The following THADA variants were observed in gnomAD, a reference collection of about 807,000 sequenced individuals.
THADA encodes the protein THADA armadillo repeat containing, also known as tRNA (32-2'-O)-methyltransferase regulator THADA.
THADA carries 213 observed loss-of-function variants against 219.8 expected under a neutral mutation model. The observed-to-expected ratio is 0.97, with a 90% CI of 0.87 to 1.09. The LOEUF (loss-of-function observed/expected upper bound fraction) is 1.09, where lower values mean the gene tolerates loss of function less well. THADA is among the 50% of genes least tolerant of loss of function. The pLI is 0.00. For synonymous variants in THADA, 1,018 were observed against 828.9 expected (o/e 1.23, Z -3.92); for missense variants, 2,956 against 2,311.3 (o/e 1.28, Z -5.72).
chr2:43,592,544 T>C, intron 1 of THADA, 128 bp from the exon 2 acceptor site: 2 of 525,872 alleles, frequency 3.8e-6, no homozygotes, highest in Non-Finnish European at 6.6e-6. Context: ...TCCCCATCTC[T>C]ACCCACTAGA....
chr2:43,575,130 C>A (rs1699724535), intron 10 of THADA, 103 bp from the exon 11 acceptor site: 16 of 857,406 alleles, frequency 1.9e-5, no homozygotes, highest in South Asian at 1.6e-4. Flanking sequence ...CACAGAATGA[C>A]CACAAATTTC....
intron 26 of THADA, among the ~76,000 whole-genome samples, chr2:43,442,448 A>G (rs1202114994): frequency 1.3e-5 from 2 of 152,300 alleles, no homozygotes; most frequent in South Asian, 2.1e-4. Flanking sequence ...TTGCAAAGAC[A>G]GAAAAAAGAA....
intron 36 of THADA, among the ~76,000 whole-genome samples, chr2:43,240,143 A>G (rs1220594493): frequency 1.3e-5 from 2 of 152,234 alleles, no homozygotes; most frequent in African/African-American, 4.8e-5. Context: ...CAGGCTAAGC[A>G]GGGTGGGTGA....
chr2:43,550,250 G>A (rs564271622), intron 19 of THADA, among the ~76,000 whole-genome samples: 5 of 152,224 alleles, frequency 3.3e-5, no homozygotes, highest in South Asian at 2.1e-4. Context: ...TTAACAAATC[G>A]AAGAACCGGT....
At chr2:43,364,897 A>C (rs1669949126) in intron 29 of THADA, among the ~76,000 whole-genome samples, 1 of 151,424 alleles carries the variant, frequency 6.6e-6, no homozygotes, top group East Asian at 1.9e-4. Flanking sequence ...GATTTAGATT[A>C]TTGTAATTGT....
chr2:43,246,282 G>T (rs1310540074), intron 36 of THADA, among the ~76,000 whole-genome samples: 1 of 152,074 alleles, frequency 6.6e-6, no homozygotes, highest in Non-Finnish European at 1.5e-5. Context: ...ATCACTTGAG[G>T]TCAGGAGTTT....
chr2:43,348,541 G>A (rs1303638476), intron 29 of THADA, among the ~76,000 whole-genome samples: 1 of 152,176 alleles, frequency 6.6e-6, no homozygotes, highest in Non-Finnish European at 1.5e-5. Context: ...GCACGGGTAG[G>A]ATTCTGATTT....
chr2:43,471,863 G>A (rs1684945226), intron 26 of THADA, among the ~76,000 whole-genome samples: 1 of 152,106 alleles, frequency 6.6e-6, no homozygotes, highest in Admixed American at 6.6e-5. Flanking sequence ...CACACTGTAT[G>A]CTCCCTAAGA....
intron 30 of THADA, among the ~76,000 whole-genome samples, chr2:43,321,391 C>G (rs1185575403): frequency 6.6e-6 from 1 of 152,184 alleles, no homozygotes; most frequent in Non-Finnish European, 1.5e-5. Context: ...ATTATCACCT[C>G]TGCTATGGTT....
chr2:43,286,728 A>G (rs1210106557), intron 35 of THADA, among the ~76,000 whole-genome samples, 180 bp downstream of exon 35: 1 of 152,196 alleles, frequency 6.6e-6, no homozygotes, highest in Non-Finnish European at 1.5e-5. Flanking sequence ...TCCGTCTCAA[A>G]AAAAAAGAGT....
chr2:43,503,996 T>C (rs867850353), intron 24 of THADA, among the ~76,000 whole-genome samples: 2 of 152,092 alleles, frequency 1.3e-5, no homozygotes, highest in Non-Finnish European at 1.5e-5. Context: ...TCTAAGGAAA[T>C]GCTAATTGGA....
chr2:43,418,812 C>A (rs182576998), intron 28 of THADA, among the ~76,000 whole-genome samples: 34 of 152,096 alleles, frequency 2.2e-4, no homozygotes, highest in Non-Finnish European at 1.3e-4. Context: ...CCAGAGAAGC[C>A]ACAGAAGAAA....
intron 21 of THADA, among the ~76,000 whole-genome samples, chr2:43,528,355 C>T (rs1693442107): frequency 1.3e-5 from 2 of 152,238 alleles, no homozygotes; most frequent in South Asian, 4.2e-4. Context: ...GTCTCTAACT[C>T]CTGACCTCAG....
rs754905703 is a variant in THADA, at chr2:43,578,499, G to C, written c.816+14C>G. The C allele has an allele frequency of 1.3e-6, 2 of 1,583,424 alleles. No individual in the cohort carries two copies. Among genetic ancestry groups the C allele is most frequent in the Non-Finnish European group, 1.7e-6 (2 of 1,154,842 alleles). ...TCTCAATAAAGTACAATTCTAAAAA[G>C]GAGATGCACTTACCAAATGAGGAAT... On this transcript the variant is annotated intron_variant, in intron 9 of 37. Transcript: ENST00000405975.
intron 36 of THADA, among the ~76,000 whole-genome samples, chr2:43,272,347 A>G (rs1011692763): frequency 2.5e-4 from 38 of 152,200 alleles, no homozygotes; most frequent in Non-Finnish European, 3.5e-4. Flanking sequence ...ACTCCTGAAG[A>G]AGTGAGCCTG....
intron 28 of THADA, among the ~76,000 whole-genome samples, chr2:43,425,958 C>T (rs1458089361): frequency 2.6e-5 from 4 of 152,158 alleles, no homozygotes; most frequent in African/African-American, 7.2e-5. Context: ...GGCACTTCTG[C>T]TGTTGGTGAT....
At chr2:43,286,761 C>A (rs1674065864) in intron 35 of THADA, 147 bp downstream of exon 35, 3 of 889,004 alleles carry the variant, frequency 3.4e-6, no homozygotes, top group East Asian at 5.3e-5. Flanking sequence ...ATGATTAGAG[C>A]ATGAACTAAG....
intron 28 of THADA, among the ~76,000 whole-genome samples, chr2:43,406,537 T>G (rs1362820055): frequency 3.9e-5 from 6 of 152,206 alleles, no homozygotes; most frequent in Non-Finnish European, 7.3e-5. Context: ...GAGAAGAAGA[T>G]TCTCCTCAGG....
chr2:43,320,684 T>C (rs973693243), intron 30 of THADA, 144 bp from the exon 31 acceptor site: 8 of 569,544 alleles, frequency 1.4e-5, no homozygotes, highest in African/African-American at 1.3e-4. Flanking sequence ...GTACAATCAT[T>C]GATGGCAAGA....
Sources: allele counts gnomAD v4.1 joint callset (sites outside exome capture counted in the v4.1 genomes callset), GRCh38; gene constraint gnomAD v4.1.1; transcripts MANE v1.5; gene names NCBI Gene and HGNC (gene_info 2026-07-23, HGNC 2026-07-21).